Variants in ARL3 observed in about 807,000 individuals in gnomAD.
The protein encoded by ARL3 is ADP-ribosylation factor-like protein 3.
Under a neutral mutation model 26.0 loss-of-function variants are expected in ARL3, and 9 were observed. The observed-to-expected ratio is 0.35, with a 90% CI of 0.21 to 0.60. ARL3 has a LOEUF of 0.60. Among genes scored for constraint, ARL3 ranks in the 20% least tolerant of loss-of-function variants. The probability of loss-of-function intolerance (pLI) is 0.78; values close to 1 mark genes in which losing one functional copy is unlikely to be tolerated. For synonymous variants in ARL3, 71 were observed against 78.4 expected (o/e 0.91, Z 0.50); for missense variants, 158 against 215.7 (o/e 0.73, Z 1.67).
chr10:102,676,865 C>A lies in ARL3; in HGVS notation c.*29G>T. ...TTTTCAGGACCGAATTCGGCTCCCG[C>A]AGCTCCTGCATCTCCATTCGTCTAG... On this transcript the variant is annotated 3_prime_UTR_variant, in exon 6 of 6. Transcript: ENST00000260746. 1 of 1,612,860 alleles carries A rather than the reference C, an allele frequency of 6.2e-7. No homozygotes were observed. The highest frequency in any genetic ancestry group is 8.5e-7 in the Non-Finnish European group (1 of 1,179,074).
At chr10:102,702,370 A>G (rs1359342113) in intron 2 of ARL3, among the ~76,000 whole-genome samples, 1 of 152,174 alleles carries the variant, frequency 6.6e-6, no homozygotes, top group Non-Finnish European at 1.5e-5. Flanking sequence ...TAGTTTCTCA[A>G]TTGTATTTAT....
At chr10:102,703,045 C>T (rs2064288564) in intron 2 of ARL3, among the ~76,000 whole-genome samples, 1 of 151,846 alleles carries the variant, frequency 6.6e-6, no homozygotes, top group Non-Finnish European at 1.5e-5. Context: ...AGCCAAAGGT[C>T]AGGCATTCTT....
chr10:102,684,427 G>A (rs893974468), intron 5 of ARL3, among the ~76,000 whole-genome samples: 6 of 152,062 alleles, frequency 3.9e-5, no homozygotes, highest in Non-Finnish European at 7.4e-5. Context: ...GGGATTACAG[G>A]TGTGAGCCAC....
intron 3 of ARL3, 110 bp downstream of exon 3, chr10:102,699,263 G>T: frequency 1.3e-6 from 1 of 755,442 alleles, no homozygotes. Flanking sequence ...AATTCACAGT[G>T]ATTAATGTTA....
intron 2 of ARL3, among the ~76,000 whole-genome samples, chr10:102,703,275 C>T (rs1225146760): frequency 1.3e-5 from 2 of 151,696 alleles, no homozygotes; most frequent in African/African-American, 2.4e-5. Flanking sequence ...GTGCACACCA[C>T]CACATCCAGC....
At chr10:102,694,717 G>A (rs2064238129) in intron 3 of ARL3, among the ~76,000 whole-genome samples, 1 of 151,986 alleles carries the variant, frequency 6.6e-6, no homozygotes, top group Non-Finnish European at 1.5e-5. Context: ...TCTAATGTAT[G>A]CTGTCTTCTT....
intron 2 of ARL3, 138 bp from the exon 3 acceptor site, chr10:102,699,627 T>C: frequency 5.0e-6 from 3 of 596,544 alleles, no homozygotes; most frequent in African/African-American, 1.9e-5. Context: ...GAAAATGATT[T>C]GTTGTGACAG....
intron 1 of ARL3, among the ~76,000 whole-genome samples, chr10:102,708,904 A>AT (rs1404959666): frequency 1.5e-4 from 16 of 109,066 alleles, no homozygotes; most frequent in Admixed American, 2.9e-4. Context: ...ATATATATAT[A>AT]TATATTTTTT....
chr10:102,710,618 CAG>C, intron 1 of ARL3, among the ~76,000 whole-genome samples: 1 of 152,284 alleles, frequency 6.6e-6, no homozygotes, highest in South Asian at 2.1e-4. Flanking sequence ...CCAAGTACAA[CAG>C]TGAGCAAAAC....
rs578044224 is a variant in ARL3, at chr10:102,711,417, T to C, written c.3+2856A>G. ...GTATGTGTGTGTGTGTTTTTATATA[T>C]ATATATGTATATACATAACACTGCA... On this transcript the variant is annotated intron_variant, in intron 1 of 5. Transcript: ENST00000260746. Among the ~76,000 whole-genome samples the C allele has an allele frequency of 7.2e-5, 11 of 151,762 alleles. No homozygotes were observed. The East Asian group carries it at 1.9e-3, about 27-fold the overall frequency.
intron 5 of ARL3, among the ~76,000 whole-genome samples, chr10:102,677,217 A>G (rs2064135061): frequency 6.6e-6 from 1 of 152,220 alleles, no homozygotes; most frequent in Non-Finnish European, 1.5e-5. Flanking sequence ...CTCTGAAAAA[A>G]TAAACACATC....
chr10:102,702,620 G>T (rs2064286162), intron 2 of ARL3, among the ~76,000 whole-genome samples: 1 of 152,106 alleles, frequency 6.6e-6, no homozygotes, highest in African/African-American at 2.4e-5. Flanking sequence ...GAGAGACACA[G>T]TTTATTGCTA....
Position 102,708,636 on chromosome 10 carries a change from C to T in ARL3, c.4-3147G>A, listed in dbSNP as rs1161306864. 4.0e-5 allele frequency among the ~76,000 whole-genome samples: 6 copies of T among 151,824 alleles called. No individual in the cohort carries two copies. The South Asian group carries it at 1.3e-3, about 32-fold the overall frequency. On this transcript the variant is annotated intron_variant, in intron 1 of 5. Coordinates refer to ENST00000260746, the MANE Select transcript of ARL3 (RefSeq NM_004311.4). ...CTTTGGGAGGCCGAGGTGGGTGGAT[C>T]ACTTGAGGTCAGGAGTTCGAGACCA...
chr10:102,684,108 T>C (rs1048362895), intron 5 of ARL3, among the ~76,000 whole-genome samples: 2 of 152,162 alleles, frequency 1.3e-5, no homozygotes, highest in Admixed American at 6.6e-5. Context: ...AGCCCCACCT[T>C]CATAATAGCC....
At chr10:102,677,701 A>C (rs776830334) in intron 5 of ARL3, among the ~76,000 whole-genome samples, 1 of 151,982 alleles carries the variant, frequency 6.6e-6, no homozygotes, top group African/African-American at 2.4e-5. Flanking sequence ...CTCCTTCCCA[A>C]CCCCCTTTGG....
At chr10:102,708,459 G>A (rs1468226584) in intron 1 of ARL3, among the ~76,000 whole-genome samples, 14 of 151,998 alleles carry the variant, frequency 9.2e-5, no homozygotes, top group Admixed American at 9.2e-4. Context: ...AAAACATCTG[G>A]AATTTATCAA....
At chr10:102,689,316 A>G (rs1456707113) in intron 4 of ARL3, among the ~76,000 whole-genome samples, 2 of 152,020 alleles carry the variant, frequency 1.3e-5, no homozygotes, top group African/African-American at 4.8e-5. Flanking sequence ...CAAGAGTGAA[A>G]CTCCGTTTTG....
At chr10:102,700,965 G>A (rs949149830) in intron 2 of ARL3, among the ~76,000 whole-genome samples, 1 of 151,658 alleles carries the variant, frequency 6.6e-6, no homozygotes, top group South Asian at 2.1e-4. Flanking sequence ...TTGAACTCCC[G>A]ACCTCAGGTG....
chr10:102,692,987 C>T (rs2064227577), intron 3 of ARL3, among the ~76,000 whole-genome samples: 1 of 152,230 alleles, frequency 6.6e-6, no homozygotes, highest in Admixed American at 6.5e-5. Context: ...TGAGCCACCG[C>T]ACCCGGCCCC....
Sources: gnomAD v4.1 joint callset for allele counts (sites outside exome capture counted in the v4.1 genomes callset) on GRCh38, gnomAD v4.1.1 for gene constraint, MANE v1.5 for transcripts, NCBI Gene and HGNC (gene_info 2026-07-23, HGNC 2026-07-21) for gene names.